Variants in PCGF5 observed in about 807,000 individuals in gnomAD.
The protein encoded by PCGF5 is polycomb group RING finger protein 5.
In PCGF5, 9 loss-of-function variants were observed where a neutral mutation model predicts 44.3. The ratio of observed to expected loss-of-function variants is 0.20; its 90% confidence interval spans 0.12 to 0.35. The LOEUF is 0.35. PCGF5 is among the 10% of genes least tolerant of loss of function. The probability of loss-of-function intolerance (pLI) is 1.00; values close to 1 mark genes in which losing one functional copy is unlikely to be tolerated. For missense variants in PCGF5, 146 were observed against 305.3 expected (o/e 0.48, Z 3.89); for synonymous variants, 95 against 102.5 (o/e 0.93, Z 0.44).
chr10:91,166,645 G>A (rs993706675), intron 1 of PCGF5, among the ~76,000 whole-genome samples: 4 of 152,118 alleles, frequency 2.6e-5, no homozygotes, highest in African/African-American at 9.7e-5. Context: ...CATCTGATGG[G>A]TGTTGCCTCT....
At chr10:91,175,857 T>G (rs905770984) in intron 1 of PCGF5, among the ~76,000 whole-genome samples, 1 of 152,080 alleles carries the variant, frequency 6.6e-6, no homozygotes, top group Non-Finnish European at 1.5e-5. Context: ...GTCTTGACTC[T>G]TTATCCAGTT....
At chr10:91,187,983 AT>A (rs1564628571) in intron 1 of PCGF5, among the ~76,000 whole-genome samples, 4 of 151,342 alleles carry the variant, frequency 2.6e-5, no homozygotes, top group African/African-American at 9.7e-5. Context: ...ATTTTTTTAA[AT>A]TATTATTATA....
At chr10:91,156,270 G>A in the PCGF5 span, among the ~76,000 whole-genome samples, 1 of 152,120 alleles carries the variant, frequency 6.6e-6, no homozygotes, top group Non-Finnish European at 1.5e-5. Flanking sequence ...ACCTAGAAAG[G>A]AACTTCAAAA....
chr10:91,183,649 C>T (rs944136552), intron 1 of PCGF5, among the ~76,000 whole-genome samples: 11 of 152,140 alleles, frequency 7.2e-5, no homozygotes, highest in Non-Finnish European at 1.3e-4. Context: ...TTATGTAGTT[C>T]CCGTATAGTG....
intron 2 of PCGF5, among the ~76,000 whole-genome samples, chr10:91,233,492 C>T (rs1056541703): frequency 6.6e-6 from 1 of 152,064 alleles, no homozygotes; most frequent in African/African-American, 2.4e-5. Flanking sequence ...AATTGCAACT[C>T]GTGTAGGCCT....
chr10:91,256,151 A>G (rs1589400742), intron 6 of PCGF5, among the ~76,000 whole-genome samples: 1 of 152,208 alleles, frequency 6.6e-6, no homozygotes, highest in East Asian at 1.9e-4. Flanking sequence ...TGTACTTATT[A>G]GGCATAGATT....
At chr10:91,251,154 A>G in intron 5 of PCGF5, 138 bp from the exon 6 acceptor site, 1 of 558,722 alleles carries the variant, frequency 1.8e-6, no homozygotes, top group South Asian at 2.9e-5. Context: ...GGAACATTTT[A>G]AAGATACTAA....
At chr10:91,251,741 A>G (rs1007182108) in intron 6 of PCGF5, among the ~76,000 whole-genome samples, 1 of 151,958 alleles carries the variant, frequency 6.6e-6, no homozygotes, top group African/African-American at 2.4e-5. Flanking sequence ...GTGGTGACCA[A>G]CTTAGACTTA....
Position 91,228,282 on chromosome 10 carries a change from G to T in PCGF5, c.112+5299G>T, listed in dbSNP as rs139301830. On this transcript the variant is annotated intron_variant, in intron 2 of 9. Transcript: ENST00000336126. ...CTTTTTACTTAAACTAAGGACAAAG[G>T]GGCTATGTTCCAGCAGCTCAAATGT... Among the ~76,000 whole-genome samples, 30 of 152,220 alleles carry T rather than the reference G, an allele frequency of 2.0e-4. 2 individuals carry two copies. The highest frequency in any genetic ancestry group is 6.7e-4 in the African/African-American group (28 of 41,550).
intron 1 of PCGF5, among the ~76,000 whole-genome samples, chr10:91,210,116 C>G (rs1844421234): frequency 6.6e-6 from 1 of 152,220 alleles, no homozygotes; most frequent in Non-Finnish European, 1.5e-5. Context: ...ATATGCCCCA[C>G]TGCTCTCCCT....
At chr10:91,238,661 T>C (rs763424782) in intron 2 of PCGF5, among the ~76,000 whole-genome samples, 11 of 138,900 alleles carry the variant, frequency 7.9e-5, no homozygotes, top group Non-Finnish European at 1.7e-4. Flanking sequence ...GAGACTTATC[T>C]ATCATCCCTG....
intron 3 of PCGF5, among the ~76,000 whole-genome samples, chr10:91,243,147 G>A (rs1845372776): frequency 6.6e-6 from 1 of 152,182 alleles, no homozygotes; most frequent in Non-Finnish European, 1.5e-5. Flanking sequence ...AACTGGTGAT[G>A]GTGATAGTTG....
At chr10:91,252,144 C>A (rs755589151) in intron 6 of PCGF5, among the ~76,000 whole-genome samples, 29 of 151,940 alleles carry the variant, frequency 1.9e-4, no homozygotes, top group Admixed American at 9.9e-4. Context: ...ATTTTTATTA[C>A]AAATCTTCAC....
In PCGF5 at chr10:91,222,932, T is replaced by A; in HGVS notation, c.61T>A (p.Cys21Ser). 1 of 1,613,592 alleles carries A rather than the reference T, an allele frequency of 6.2e-7. No individual in the cohort carries two copies. Among genetic ancestry groups the A allele is most frequent in the Non-Finnish European group, 8.5e-7 (1 of 1,179,466 alleles). The change falls in exon 2 of 10, where the codon TGT becomes AGT. Residue 21 changes from cysteine (C) to serine (S), a missense_variant. Transcript: ENST00000336126. ...DFNPYITCYI[C>S]KGYLIKPTTV... ...TAATCCTTACATTACCTGCTATATC[T>A]GTAAAGGGTATCTGATCAAGCCAAC...
intron 2 of PCGF5, among the ~76,000 whole-genome samples, chr10:91,230,062 A>G (rs755924539): frequency 6.6e-6 from 1 of 152,212 alleles, no homozygotes; most frequent in African/African-American, 2.4e-5. Flanking sequence ...AGTTATGTGT[A>G]TAGTTCGTTT....
chr10:91,250,290 T>A lies in PCGF5; in HGVS notation c.326-1002T>A, dbSNP rs1010934841. Among the ~76,000 whole-genome samples the A allele has an allele frequency of 2.6e-5, 4 of 152,036 alleles. No individual in the cohort carries two copies. In the East Asian group the frequency reaches 7.7e-4, roughly 29 times the overall value. ...TATACCTGTAGTGCTTTTACTACAG[T>A]CATCAAAAAGGATCTGGCCAGTCAC... On this transcript the variant is annotated intron_variant, in intron 5 of 9. Transcript: ENST00000336126.
upstream of PCGF5, among the ~76,000 whole-genome samples, chr10:91,159,584 T>C (rs1843355159): frequency 6.6e-6 from 1 of 152,226 alleles, no homozygotes; most frequent in South Asian, 2.1e-4. Flanking sequence ...TCTGATGTCA[T>C]ACTTCCAGCC....
chr10:91,178,101 GAC>G (rs906732246), intron 1 of PCGF5, among the ~76,000 whole-genome samples: 1 of 152,182 alleles, frequency 6.6e-6, no homozygotes, highest in African/African-American at 2.4e-5. Context: ...TGTACCAAAA[GAC>G]ACAGACAAAA....
chr10:91,208,617 A>G (rs927738389), intron 1 of PCGF5, among the ~76,000 whole-genome samples: 1 of 152,198 alleles, frequency 6.6e-6, no homozygotes, highest in African/African-American at 2.4e-5. Flanking sequence ...TTATCATGGA[A>G]GAGAATGATC....
Sources: gnomAD v4.1 joint callset for allele counts (sites outside exome capture counted in the v4.1 genomes callset) on GRCh38, gnomAD v4.1.1 for gene constraint, MANE v1.5 for transcripts, NCBI Gene and HGNC (gene_info 2026-07-23, HGNC 2026-07-21) for gene names.